TRIP4: variants seen among roughly 807,000 people sequenced by gnomAD.
TRIP4 encodes thyroid hormone receptor interactor 4, also known as activating signal cointegrator 1.
Under a neutral mutation model 81.8 loss-of-function variants are expected in TRIP4, and 54 were observed. The ratio of observed to expected loss-of-function variants is 0.66; its 90% CI spans 0.53 to 0.83. TRIP4 has a LOEUF of 0.83. Ranked by LOEUF, TRIP4 falls within the 40% of genes least tolerant of loss-of-function variation. TRIP4 has a pLI of 0.00. For synonymous variants in TRIP4, 270 were observed against 242.8 expected (o/e 1.11, Z -1.04); for missense variants, 662 against 683.6 (o/e 0.97, Z 0.35).
intron 1 of TRIP4, among the ~76,000 whole-genome samples, chr15:64,389,196 TG>T (rs1234116410): frequency 2.0e-5 from 3 of 152,218 alleles, no homozygotes; most frequent in African/African-American, 7.2e-5. Context: ...GAACTGAAAG[TG>T]TTCCTTCATT....
chr15:64,398,281 G>A (rs988072049), intron 4 of TRIP4, among the ~76,000 whole-genome samples: 1 of 151,718 alleles, frequency 6.6e-6, no homozygotes, highest in African/African-American at 2.4e-5. Flanking sequence ...AGAAACCCAA[G>A]GTTAGGCCAG....
Position 64,409,763 on chromosome 15 carries a change from C to CACG in TRIP4, c.980_981insGAC (p.Thr327dup), listed in dbSNP as rs1566975981. 6.2e-7 allele frequency: 1 copy of CACG among 1,614,122 alleles called. No individual in the cohort carries two copies. Among genetic ancestry groups the CACG allele is most frequent in the Non-Finnish European group, 8.5e-7 (1 of 1,180,038 alleles). On this transcript the variant is annotated inframe_insertion, in exon 7 of 13. Coordinates refer to ENST00000261884, the MANE Select transcript of TRIP4 (RefSeq NM_016213.5). ...ACGCCTCTCGACTTTCTAAGAAGGT[C>CACG]ACCATTGACTTTGCAGGAAGGAAGA...
intron 11 of TRIP4, among the ~76,000 whole-genome samples, chr15:64,431,855 TA>T (rs1892282389): frequency 1.5e-5 from 2 of 131,766 alleles, no homozygotes; most frequent in African/African-American, 6.1e-5. Context: ...ATATTTTTTT[TA>T]TCCAAAGAGC....
intron 12 of TRIP4, among the ~76,000 whole-genome samples, chr15:64,446,466 C>A (rs1218036663): frequency 8.1e-5 from 12 of 147,626 alleles, no homozygotes; most frequent in Non-Finnish European, 1.7e-4. Context: ...GTGCAGTGGC[C>A]CAATCTCGGC....
chr15:64,455,078 G>C lies in TRIP4; in HGVS notation c.*14G>C. On this transcript the variant is annotated 3_prime_UTR_variant, in exon 13 of 13. Coordinates refer to ENST00000261884, the MANE Select transcript of TRIP4 (RefSeq NM_016213.5). ...AAAGCTGTCTGACCCAGGAGAAAAG[G>C]AACTATACAGCATAGTGGAGTTTTG... 1 of 1,613,266 alleles carries C rather than the reference G, an allele frequency of 6.2e-7. No individual in the cohort carries two copies. Among genetic ancestry groups the C allele is most frequent in the South Asian group, 1.1e-5 (1 of 91,038 alleles).
chr15:64,401,005 A>G (rs1891488892), intron 5 of TRIP4, among the ~76,000 whole-genome samples, 184 bp downstream of exon 5: 2 of 151,836 alleles, frequency 1.3e-5, no homozygotes, highest in African/African-American at 4.8e-5. Context: ...CTTATCACCC[A>G]GGCTGGAGAG....
chr15:64,437,810 A>G (rs909439586), intron 11 of TRIP4, among the ~76,000 whole-genome samples: 3 of 152,054 alleles, frequency 2.0e-5, no homozygotes, highest in African/African-American at 4.8e-5. Flanking sequence ...ATGTTTTACG[A>G]TTGTCCTGGC....
At chr15:64,416,444 C>T (rs964816244) in intron 8 of TRIP4, among the ~76,000 whole-genome samples, 3 of 152,000 alleles carry the variant, frequency 2.0e-5, no homozygotes, top group Non-Finnish European at 2.9e-5. Context: ...TATTTCCAGC[C>T]AGGTGTGGTG....
chr15:64,427,588 C>G (rs1596353259), intron 11 of TRIP4, among the ~76,000 whole-genome samples: 1 of 152,148 alleles, frequency 6.6e-6, no homozygotes, highest in Non-Finnish European at 1.5e-5. Flanking sequence ...GTTGGCGAAG[C>G]TGGTCTTGAA....
chr15:64,421,324 A>C (rs898346830), intron 9 of TRIP4, among the ~76,000 whole-genome samples: 2 of 146,528 alleles, frequency 1.4e-5, no homozygotes, highest in African/African-American at 2.5e-5. Context: ...GCTACCTTTT[A>C]TTTTCTTTCT....
chr15:64,395,262 GAT>G lies in TRIP4; in HGVS notation c.272-134_272-133del, dbSNP rs1900254026. 12 of 713,346 alleles carry G rather than the reference GAT, an allele frequency of 1.7e-5. No individual in the cohort carries two copies. The East Asian group carries it at 3.7e-4, about 22-fold the overall frequency. 44.2% of individuals were successfully genotyped at this position (713,346 alleles called of 1,614,324 possible). Reference sequence around the variant, plus strand: ...ATTTAATTCTGGTTTGACAGGAAAAGATAATTAAAAATCTTCCTGATGATATC... The same window carrying G: ...ATTTAATTCTGGTTTGACAGGAAAAGAATTAAAAATCTTCCTGATGATATC... On this transcript the variant is annotated intron_variant, in intron 2 of 12. Transcript: ENST00000261884.
chr15:64,394,236 A>G, intron 2 of TRIP4, 121 bp downstream of exon 2: 1 of 761,552 alleles, frequency 1.3e-6, no homozygotes, highest in Admixed American at 3.6e-5. Context: ...AAACAGAGTC[A>G]TATGTATACA....
chr15:64,407,666 CA>C lies in TRIP4; in HGVS notation c.827+1217del, dbSNP rs200398683. ...TGGGCAACAGAGTGAGACTCTGTCT[CA>C]AAAAAAAAATAATAATAATAGAAAT... On this transcript the variant is annotated intron_variant, in intron 6 of 12. Coordinates refer to ENST00000261884, the MANE Select transcript of TRIP4 (RefSeq NM_016213.5). Among the ~76,000 whole-genome samples, 22 of 146,934 alleles carry C rather than the reference CA, an allele frequency of 1.5e-4. No homozygotes were observed. In the South Asian group the frequency reaches 4.1e-3, roughly 27 times the overall value.
intron 11 of TRIP4, among the ~76,000 whole-genome samples, chr15:64,431,280 T>C (rs1892265958): frequency 6.6e-6 from 1 of 152,116 alleles, no homozygotes; most frequent in Non-Finnish European, 1.5e-5. Context: ...TGAGGGCTGT[T>C]ATCTGAGACT....
intron 9 of TRIP4, 71 bp downstream of exon 9, chr15:64,418,799 T>C (rs1891944613): frequency 2.1e-6 from 3 of 1,402,254 alleles, no homozygotes; most frequent in Non-Finnish European, 2.8e-6. Flanking sequence ...AAATATGAAT[T>C]GGAATTAGTT....
chr15:64,411,237 T>A (rs1596344207), intron 7 of TRIP4, among the ~76,000 whole-genome samples: 1 of 152,314 alleles, frequency 6.6e-6, no homozygotes, highest in Middle Eastern at 3.4e-3. Flanking sequence ...GGTAAATACA[T>A]GTCATTATAA....
chr15:64,445,646 T>A (rs1442120554), intron 12 of TRIP4, among the ~76,000 whole-genome samples: 1 of 106,358 alleles, frequency 9.4e-6, no homozygotes, highest in Non-Finnish European at 1.7e-5. Context: ...TCCAGCCTGG[T>A]AACAGAGCGA....
chr15:64,439,496 A>C (rs2101226), intron 11 of TRIP4, among the ~76,000 whole-genome samples: 123,708 of 141,386 alleles, frequency 0.87, 55,163 homozygotes, highest in East Asian at 0.96. Flanking sequence ...AGTTCTTCAA[A>C]TAACAACTTA....
At chr15:64,406,876 T>C (rs545913995) in intron 6 of TRIP4, among the ~76,000 whole-genome samples, 3 of 152,312 alleles carry the variant, frequency 2.0e-5, no homozygotes, top group African/African-American at 4.8e-5. Context: ...TAGGAGGGCA[T>C]GATTTACCCT....
Sources: allele counts gnomAD v4.1 joint callset (sites outside exome capture counted in the v4.1 genomes callset), GRCh38; gene constraint gnomAD v4.1.1; transcripts MANE v1.5; gene names NCBI Gene and HGNC (gene_info 2026-07-23, HGNC 2026-07-21).